The following GRIK1 variants were observed in gnomAD, a reference collection of about 807,000 sequenced individuals.
The protein encoded by GRIK1 is glutamate ionotropic receptor kainate type subunit 1.
Under a neutral mutation model 105.7 loss-of-function variants are expected in GRIK1, and 69 were observed. That is an observed-to-expected ratio of 0.65 (90% CI 0.54 to 0.80). The LOEUF (loss-of-function observed/expected upper bound fraction) is 0.80. Ranked by LOEUF, GRIK1 falls within the 30% of genes least tolerant of loss-of-function variation. The probability of loss-of-function intolerance (pLI) is 0.00; values close to 1 mark genes in which losing one functional copy is unlikely to be tolerated. For synonymous variants in GRIK1, 438 were observed against 431.3 expected (o/e 1.02, Z -0.19); for missense variants, 1,109 against 1,167.3 (o/e 0.95, Z 0.73).
rs562530379 is a variant in GRIK1, at chr21:29,700,308, ATGTTGGGTTG to A, written c.119-6255_119-6246del. ...GTGCAATGAAGGGTTGCCATGAAGG[ATGTTGGGTTG>A]TGCCACATAATTCCATCTAGACTTA... On this transcript the variant is annotated intron_variant, in intron 1 of 17. Coordinates refer to ENST00000327783, the MANE Select transcript of GRIK1 (RefSeq NM_001330994.2). Among the ~76,000 whole-genome samples, 284 of 152,262 alleles carry A rather than the reference ATGTTGGGTTG, an allele frequency of 1.9e-3. 1 individual carries two copies. Among genetic ancestry groups the A allele is most frequent in the Non-Finnish European group, 3.0e-3 (207 of 68,030 alleles).
chr21:29,779,136 T>A (rs1569082947), intron 1 of GRIK1, among the ~76,000 whole-genome samples: 2 of 152,198 alleles, frequency 1.3e-5, no homozygotes, highest in African/African-American at 4.8e-5. Flanking sequence ...AAATGTTCTG[T>A]TTTTCTAATT....
intron 13 of GRIK1, among the ~76,000 whole-genome samples, chr21:29,580,160 CAT>C (rs138103244): frequency 0.12 from 17,291 of 143,416 alleles, 1,266 homozygotes; most frequent in African/African-American, 0.2. Context: ...TATACACATA[CAT>C]ATATATATAT....
intron 1 of GRIK1, among the ~76,000 whole-genome samples, chr21:29,797,740 G>C (rs1028919159): frequency 3.9e-5 from 6 of 152,176 alleles, no homozygotes; most frequent in Non-Finnish European, 8.8e-5. Context: ...AGTTCTACAT[G>C]AAGAGCAACA....
chr21:29,905,783 C>T lies in GRIK1; in HGVS notation c.118+33600G>A, dbSNP rs372058953. On this transcript the variant is annotated intron_variant, in intron 1 of 17. Transcript: ENST00000327783. ...CTGGGACTACAGGCGCCCGCCACTACGCCCGGCTAATTTTTTGTATTTTTA... is the reference window on the plus strand; with the variant it reads ...CTGGGACTACAGGCGCCCGCCACTATGCCCGGCTAATTTTTTGTATTTTTA... 5.3e-5 allele frequency among the ~76,000 whole-genome samples: 8 copies of T among 150,668 alleles called. No individual in the cohort carries two copies. The East Asian group carries it at 1.6e-3, about 30-fold the overall frequency.
chr21:29,786,740 C>T (rs74551882), intron 1 of GRIK1, among the ~76,000 whole-genome samples: 6,512 of 152,248 alleles, frequency 0.043, 199 homozygotes, highest in Non-Finnish European at 0.066. Flanking sequence ...AAGCACTCGC[C>T]AGCCCAGCCT....
chr21:29,811,212 G>C (rs758931055), intron 1 of GRIK1, among the ~76,000 whole-genome samples: 1 of 152,102 alleles, frequency 6.6e-6, no homozygotes, highest in Non-Finnish European at 1.5e-5. Flanking sequence ...GGGGAAGCTG[G>C]ACAAGAGGAG....
At chr21:29,923,154 C>T (rs74478252) in intron 1 of GRIK1, among the ~76,000 whole-genome samples, 192 of 152,202 alleles carry the variant, frequency 1.3e-3, no homozygotes, top group African/African-American at 4.4e-3. Flanking sequence ...AAATATAATG[C>T]TAATTTGGAT....
chr21:29,800,928 CT>C lies in GRIK1; in HGVS notation c.119-106866del, dbSNP rs78470123. Among the ~76,000 whole-genome samples, 86 of 152,226 alleles carry C rather than the reference CT, an allele frequency of 5.6e-4. No homozygotes were observed. In the East Asian group the frequency reaches 0.013, roughly 23 times the overall value. Reference sequence around the variant, plus strand: ...GGGAGAGGGCAAAGGGCGGTAATTGCTTTGATTTTGCCTCATCACAACTCCA... The same window carrying C: ...GGGAGAGGGCAAAGGGCGGTAATTGCTTGATTTTGCCTCATCACAACTCCA... On this transcript the variant is annotated intron_variant, in intron 1 of 17. Transcript: ENST00000327783.
intron 16 of GRIK1, among the ~76,000 whole-genome samples, chr21:29,551,487 A>G (rs2090134486): frequency 6.6e-6 from 1 of 152,172 alleles, no homozygotes; most frequent in African/African-American, 2.4e-5. Context: ...CTACAGGTCG[A>G]TGATGGATAT....
At position 29,939,735 on chromosome 21, in the gene GRIK1, T is replaced by G; in HGVS notation, c.-235A>C. On this transcript the variant is annotated 5_prime_UTR_variant, in exon 1 of 18. Transcript: ENST00000327783. The stretch of plus-strand genomic sequence containing the variant: ...GTCGCTAGCCCATCACGGCTCCTCC[T>G]CCTCCTCTTCCATGGGCCGCAGACC... The G allele has an allele frequency of 2.5e-6, 1 of 392,758 alleles. No individual in the cohort carries two copies. Among genetic ancestry groups the G allele is most frequent in the South Asian group, 7.0e-5 (1 of 14,218 alleles). The allele number at this position is 392,758 out of a possible 1,614,324, so 24.3% of individuals were successfully genotyped here. A position where few individuals can be genotyped will look rare whatever the true frequency, so the allele number is the denominator to read the frequency against.
At chr21:29,790,021 G>A (rs1025674513) in intron 1 of GRIK1, among the ~76,000 whole-genome samples, 4 of 152,122 alleles carry the variant, frequency 2.6e-5, no homozygotes, top group African/African-American at 7.2e-5. Flanking sequence ...ACATGTTCAC[G>A]TAAGTCTCCT....
At chr21:29,929,318 A>G (rs2832490) in intron 1 of GRIK1, among the ~76,000 whole-genome samples, 104,379 of 152,016 alleles carry the variant, frequency 0.69, 36,028 homozygotes, top group East Asian at 0.83. Context: ...AGAATCTACA[A>G]AATCTTATCC....
At chr21:29,772,728 A>G (rs915418274) in intron 1 of GRIK1, among the ~76,000 whole-genome samples, 1 of 152,210 alleles carries the variant, frequency 6.6e-6, no homozygotes, top group African/African-American at 2.4e-5. Context: ...AAATACTAAA[A>G]TTGTGCAAAG....
At chr21:29,796,029 T>G (rs2066546458) in intron 1 of GRIK1, among the ~76,000 whole-genome samples, 1 of 152,200 alleles carries the variant, frequency 6.6e-6, no homozygotes, top group Non-Finnish European at 1.5e-5. Flanking sequence ...ACAATTTGTT[T>G]ATGTTTCTAA....
intron 8 of GRIK1, among the ~76,000 whole-genome samples, chr21:29,598,008 A>G (rs1056821163): frequency 3.3e-5 from 5 of 151,804 alleles, no homozygotes; most frequent in Admixed American, 6.5e-5. Context: ...CTATAGTGGG[A>G]AAAAAAATGT....
intron 1 of GRIK1, among the ~76,000 whole-genome samples, chr21:29,759,516 G>T (rs563012724): frequency 6.6e-6 from 1 of 152,296 alleles, no homozygotes; most frequent in South Asian, 2.1e-4. Context: ...GCCTGGCACA[G>T]CAGTATTTAT....
Position 29,819,249 on chromosome 21 carries a change from C to A in GRIK1, c.118+120134G>T, listed in dbSNP as rs542337058. On this transcript the variant is annotated intron_variant, in intron 1 of 17. Transcript: ENST00000327783. ...TCCCTTCTTCCCATCTCACCAAACA[C>A]CACTTCCATTTCAAATAAGCTTGAA... Among the ~76,000 whole-genome samples, 10 of 152,212 alleles carry A rather than the reference C, an allele frequency of 6.6e-5. No individual in the cohort carries two copies. In the South Asian group the frequency reaches 2.1e-3, roughly 32 times the overall value.
At chr21:29,836,559 C>G (rs571375742) in intron 1 of GRIK1, among the ~76,000 whole-genome samples, 19 of 152,238 alleles carry the variant, frequency 1.2e-4, no homozygotes, top group African/African-American at 4.1e-4. Flanking sequence ...AAGATCCACT[C>G]TGATTTGCCA....
chr21:29,583,219 A>G lies in GRIK1; in HGVS notation c.1794-1676T>C, dbSNP rs189634767. ...TTAATTGACAATGCCATGCCAACAC[A>G]TTTTAATTAATGTTTCAACAATATA... On this transcript the variant is annotated intron_variant, in intron 12 of 17. Coordinates refer to ENST00000327783, the MANE Select transcript of GRIK1 (RefSeq NM_001330994.2). Among the ~76,000 whole-genome samples, 267 of 152,248 alleles carry G rather than the reference A, an allele frequency of 1.8e-3. 5 individuals are homozygous for G. Among genetic ancestry groups the G allele is most frequent in the Non-Finnish European group, 1.6e-4 (11 of 68,010 alleles).
Sources: gnomAD v4.1 joint callset for allele counts (sites outside exome capture counted in the v4.1 genomes callset) on GRCh38, gnomAD v4.1.1 for gene constraint, MANE v1.5 for transcripts, NCBI Gene and HGNC (gene_info 2026-07-23, HGNC 2026-07-21) for gene names.